The following NEU1 variants were observed in gnomAD, a reference collection of about 807,000 sequenced individuals.
NEU1 encodes sialidase-1.
NEU1 carries 32 observed loss-of-function variants against 38.3 expected under a neutral mutation model. The ratio of observed to expected loss-of-function variants is 0.84; its 90% CI spans 0.63 to 1.12. NEU1 has a LOEUF of 1.12. Among genes scored for constraint, NEU1 ranks in the 50% most tolerant of loss-of-function variants. The probability of loss-of-function intolerance (pLI) is 0.00; values close to 1 mark genes in which losing one functional copy is unlikely to be tolerated. For synonymous variants in NEU1, 192 were observed against 225.2 expected (o/e 0.85, Z 1.32); for missense variants, 431 against 549.2 (o/e 0.78, Z 2.15).
chr6:31,861,696 T>G, intron 2 of NEU1: 1 of 628,348 alleles, frequency 1.6e-6, no homozygotes, highest in Non-Finnish European at 2.8e-6. Context: ...CCAGTACAAT[T>G]TAAATCCTGA....
At chr6:31,861,125 T>G (rs1232428329) in intron 3 of NEU1, 63 bp downstream of exon 3, 1 of 1,606,568 alleles carries the variant, frequency 6.2e-7, no homozygotes, top group African/African-American at 1.3e-5. Context: ...AGGAGTCCAT[T>G]TGGGGGTATC....
chr6:31,861,555 G>A (rs1222577959), intron 2 of NEU1, 105 bp from the exon 3 acceptor site: 27 of 1,436,408 alleles, frequency 1.9e-5, no homozygotes, highest in Non-Finnish European at 9.7e-7. Flanking sequence ...CAGGCCTTCC[G>A]ATGGTCCCAG....
Position 31,862,650 on chromosome 6 carries a change from A to G in NEU1, c.127T>C (p.Ser43Pro), listed in dbSNP as rs1285254680. Residue 43 changes from serine (S) to proline (P), a missense_variant, in exon 1 of 6, where the codon TCC (serine) becomes CCC (proline). By Grantham distance (74) the Ser-to-Pro change is moderately conservative (BLOSUM62 -1). Coordinates refer to ENST00000375631, the MANE Select transcript of NEU1 (RefSeq NM_000434.4). The surrounding 1 kb of genome is among the most constrained non-coding windows in gnomAD (Gnocchi z 6.3). ...AIFLLLSLAA[S>P]WSKAENDFGL... ...AAGTCGTTCTCAGCCTTGGACCAGG[A>G]GGCTGCCAGAGACAGCAGCAGGAAG... The G allele has an allele frequency of 1.2e-6, 2 of 1,612,954 alleles. No individual in the cohort carries two copies. Among genetic ancestry groups the G allele is most frequent in the African/African-American group, 1.3e-5 (1 of 74,904 alleles).
Position 31,862,790 on chromosome 6 carries a change from T to G in NEU1, c.-14A>C, listed in dbSNP as rs964898455. 6.2e-7 allele frequency: 1 copy of G among 1,612,400 alleles called. No individual in the cohort carries two copies. The highest frequency in any genetic ancestry group is 1.3e-5 in the African/African-American group (1 of 74,916). ...CTCCCCAGTCATCTCTCCCCGCAGCTGCCGCGACCCTGGCAGCTAGACTCC... is the reference window on the plus strand; with the variant it reads ...CTCCCCAGTCATCTCTCCCCGCAGCGGCCGCGACCCTGGCAGCTAGACTCC... On this transcript the variant is annotated 5_prime_UTR_variant, in exon 1 of 6. Coordinates refer to ENST00000375631, the MANE Select transcript of NEU1 (RefSeq NM_000434.4). The surrounding 1 kb of genome is among the most constrained non-coding windows in gnomAD (Gnocchi z 6.3).
Position 31,861,428 on chromosome 6 carries a change from C to T in NEU1, c.375G>A (p.Ala125=). ...MDQGSTWSPT[A]FIVNDGDVPD... is the part of the protein sequence containing the mutation. ...GGACATCCCCATCATTGACAATGAA[C>T]GCTGTAGGAGACCATGTGCTGCCTG... The change falls in exon 3 of 6, where the codon GCG becomes GCA. Residue 125 remains alanine (A), a synonymous_variant. Coordinates refer to ENST00000375631, the MANE Select transcript of NEU1 (RefSeq NM_000434.4). 4 of 1,612,918 alleles carry T rather than the reference C, an allele frequency of 2.5e-6. No individual in the cohort carries two copies. Among genetic ancestry groups the T allele is most frequent in the Non-Finnish European group, 3.4e-6 (4 of 1,180,032 alleles).
Position 31,860,524 on chromosome 6 carries a change from G to T in NEU1, c.713C>A (p.Ala238Asp), listed in dbSNP as rs769449286. ...VFCLLSDDHG[A>D]SWRYGSGVSG... ...GACCCCACTTCCGTAGCGCCAGGAG[G>T]CACCATGATCATCGCTGAGGAGACA... Residue 238 changes from alanine (A) to aspartate (D), a missense_variant, in exon 4 of 6, where the codon GCC becomes GAC. Coordinates refer to ENST00000375631, the MANE Select transcript of NEU1 (RefSeq NM_000434.4). This position sits in a 1 kb window ranked among gnomAD's most constrained non-coding sequence, Gnocchi z 4.8. 13 of 1,613,938 alleles carry T rather than the reference G, an allele frequency of 8.1e-6. No individual in the cohort carries two copies. In the African/African-American group the frequency reaches 1.7e-4, roughly 22 times the overall value.
In NEU1 at chr6:31,859,004, A is replaced by G; in HGVS notation, c.*715T>C. ...GCAACTGCACTCCAGCCTGGGTGAC[A>G]GAGCGAGCCCTGTCTCAAAAAAAGC... On this transcript the variant is annotated 3_prime_UTR_variant, in exon 6 of 6. Coordinates refer to ENST00000375631, the MANE Select transcript of NEU1 (RefSeq NM_000434.4). 6.4e-6 allele frequency: 1 copy of G among 156,222 alleles called. No homozygotes were observed. The highest frequency in any genetic ancestry group is 1.4e-5 in the Non-Finnish European group (1 of 70,408). The allele number at this position is 156,222 out of a possible 1,614,324, so 9.7% of individuals were successfully genotyped here. A position where few individuals can be genotyped will look rare whatever the true frequency, so the allele number is the denominator to read the frequency against.
intron 2 of NEU1, chr6:31,861,768 G>T (rs912351461): frequency 4.8e-6 from 3 of 627,098 alleles, no homozygotes; most frequent in Non-Finnish European, 8.4e-6. Flanking sequence ...AATAGTGCCT[G>T]GTATAGGTAT....
At position 31,860,718 on chromosome 6, in the gene NEU1, G is replaced by T; in HGVS notation, c.616-97C>A. 1 of 1,366,790 alleles carries T rather than the reference G, an allele frequency of 7.3e-7. No individual in the cohort carries two copies. The highest frequency in any genetic ancestry group is 1.0e-6 in the Non-Finnish European group (1 of 962,004). 84.7% of individuals were successfully genotyped at this position (1,366,790 alleles called of 1,614,324 possible). On this transcript the variant is annotated intron_variant, in intron 3 of 5. Coordinates refer to ENST00000375631, the MANE Select transcript of NEU1 (RefSeq NM_000434.4). The surrounding 1 kb of genome is among the most constrained non-coding windows in gnomAD (Gnocchi z 4.8). Reference sequence around the variant, plus strand: ...ACTTCCCAAATGCAATCACATGTATGGTCCCCTTGAGTTCAGCCCTTGCTC... The same window carrying T: ...ACTTCCCAAATGCAATCACATGTATTGTCCCCTTGAGTTCAGCCCTTGCTC...
In NEU1 at chr6:31,861,453, G is replaced by GA. The variant is rs1260702596; in HGVS notation, c.353-4dup. 2.5e-6 allele frequency: 4 copies of GA among 1,612,772 alleles called. No individual in the cohort carries two copies. Among genetic ancestry groups the GA allele is most frequent in the Non-Finnish European group, 3.4e-6 (4 of 1,180,014 alleles). ...CGCTGTAGGAGACCATGTGCTGCCT[G>GA]AAAAAAATTGGAGGAAGAAACCCAG... On this transcript the variant is annotated splice_region_variant and splice_polypyrimidine_tract_variant and intron_variant, in intron 2 of 5. Transcript: ENST00000375631.
Position 31,859,473 on chromosome 6 carries a change from G to T in NEU1, c.*246C>A. The stretch of plus-strand genomic sequence containing the variant: ...CCGGGAGGGCAGAGAGGGTGGTGGG[G>T]CCACACTTAGCCATATGGAAAGACA... On this transcript the variant is annotated 3_prime_UTR_variant, in exon 6 of 6. Coordinates refer to ENST00000375631, the MANE Select transcript of NEU1 (RefSeq NM_000434.4). 1.6e-6 allele frequency: 1 copy of T among 620,008 alleles called. No individual in the cohort carries two copies. The highest frequency in any genetic ancestry group is 2.9e-6 in the Non-Finnish European group (1 of 344,504). 38.4% of individuals were successfully genotyped at this position (620,008 alleles called of 1,614,324 possible).
At position 31,858,931 on chromosome 6, in the gene NEU1, AG is replaced by A. The variant is rs1386734607; in HGVS notation, c.*787del. On this transcript the variant is annotated 3_prime_UTR_variant, in exon 6 of 6. Transcript: ENST00000375631. ...CAACTACTCCGGAGGCTGAGACGTG[AG>A]GATCACTTGAGCCCAGGAGGTTGAG... 1 of 153,226 alleles carries A rather than the reference AG, an allele frequency of 6.5e-6. No individual in the cohort carries two copies. Among genetic ancestry groups the A allele is most frequent in the African/African-American group, 2.4e-5 (1 of 41,446 alleles). 9.5% of individuals were successfully genotyped at this position (153,226 alleles called of 1,614,324 possible). A position where few individuals can be genotyped will look rare whatever the true frequency, so the allele number is the denominator to read the frequency against.
In NEU1 at chr6:31,860,829, C is replaced by T; in HGVS notation, c.616-208G>A. 1.5e-6 allele frequency: 1 copy of T among 657,324 alleles called. No homozygotes were observed. Among genetic ancestry groups the T allele is most frequent in the Non-Finnish European group, 2.7e-6 (1 of 376,544 alleles). The allele number at this position is 657,324 out of a possible 1,614,324, so 40.7% of individuals were successfully genotyped here. A position where few individuals can be genotyped will look rare whatever the true frequency, so the allele number is the denominator to read the frequency against. ...AGGGTGTACAGCTGGACATGTGCAC[C>T]AGGGGCCCAGCCACAGGGTGCATGA... On this transcript the variant is annotated intron_variant, in intron 3 of 5. Coordinates refer to ENST00000375631, the MANE Select transcript of NEU1 (RefSeq NM_000434.4). The surrounding 1 kb of genome is among the most constrained non-coding windows in gnomAD (Gnocchi z 4.8).
chr6:31,862,488 G>A lies in NEU1; in HGVS notation c.159+130C>T. On this transcript the variant is annotated intron_variant, in intron 1 of 5. Coordinates refer to ENST00000375631, the MANE Select transcript of NEU1 (RefSeq NM_000434.4). This position sits in a 1 kb window ranked among gnomAD's most constrained non-coding sequence, Gnocchi z 6.3. ...GGGAGAGGGGCTGGGAGCGGTAGGA[G>A]GAAACGGGGTCTGGGAGAAAGAAAA... is the stretch of plus-strand genomic sequence containing the variant. 1 of 1,329,570 alleles carries A rather than the reference G, an allele frequency of 7.5e-7. No homozygotes were observed. Among genetic ancestry groups the A allele is most frequent in the Non-Finnish European group, 1.1e-6 (1 of 941,284 alleles). 82.4% of individuals were successfully genotyped at this position (1,329,570 alleles called of 1,614,324 possible).
chr6:31,861,387 A>G lies in NEU1; in HGVS notation c.416T>C (p.Leu139Pro). ...NDGDVPDGLN[L>P]GAVVSDVETG... is the part of the protein sequence containing the mutation. ...CTCAACATCGCTCACTACTGCCCCA[A>G]GGTTCAGCCCATCGGGGACATCCCC... The change falls in exon 3 of 6, where the codon CTT becomes CCT. Residue 139 changes from leucine to proline, a missense_variant. By Grantham distance (98) the Leu-to-Pro change is moderately conservative. Transcript: ENST00000375631. 6.2e-7 allele frequency: 1 copy of G among 1,613,002 alleles called. No individual in the cohort carries two copies. The highest frequency in any genetic ancestry group is 8.5e-7 in the Non-Finnish European group (1 of 1,180,036).
Position 31,862,119 on chromosome 6 carries a change from G to A in NEU1, c.232C>T (p.Arg78Cys), listed in dbSNP as rs11538809. The A allele has an allele frequency of 6.2e-7, 1 of 1,613,078 alleles. No individual in the cohort carries two copies. Among genetic ancestry groups the A allele is most frequent in the Non-Finnish European group, 8.5e-7 (1 of 1,180,036 alleles). The change falls in exon 2 of 6, where the codon CGC (arginine) becomes TGC (cysteine). Residue 78 changes from arginine (R) to cysteine (C), a missense_variant. Transcript: ENST00000375631. This position sits in a 1 kb window ranked among gnomAD's most constrained non-coding sequence, Gnocchi z 6.3. The part of the protein sequence containing the change: ...GRQIGSVDTF[R>C]IPLITATPRG... ...GGAGTGGCTGTGATGAGCGGGATGC[G>A]GAAGGTGTCCACTGAGCCGATCTGT...
At position 31,859,308 on chromosome 6, in the gene NEU1, A is replaced by G. The variant is rs1342138829; in HGVS notation, c.*411T>C. Reference sequence around the variant, plus strand: ...TTACTCTGAAACCAAATATCCTGCCATCTGGGGACTTTCACCAGCCCTGTC... The same window carrying G: ...TTACTCTGAAACCAAATATCCTGCCGTCTGGGGACTTTCACCAGCCCTGTC... On this transcript the variant is annotated 3_prime_UTR_variant, in exon 6 of 6. Coordinates refer to ENST00000375631, the MANE Select transcript of NEU1 (RefSeq NM_000434.4). 1 of 358,586 alleles carries G rather than the reference A, an allele frequency of 2.8e-6. No homozygotes were observed. Among genetic ancestry groups the G allele is most frequent in the Non-Finnish European group, 5.3e-6 (1 of 187,704 alleles). 22.2% of individuals were successfully genotyped at this position (358,586 alleles called of 1,614,324 possible).
At position 31,859,655 on chromosome 6, in the gene NEU1, T is replaced by TACAG. The variant is rs941536528; in HGVS notation, c.*60_*63dup. 2.3e-5 allele frequency: 35 copies of TACAG among 1,533,024 alleles called. No homozygotes were observed. The highest frequency in any genetic ancestry group is 2.9e-5 in the Non-Finnish European group (32 of 1,113,066). 95.0% of individuals were successfully genotyped at this position (1,533,024 alleles called of 1,614,324 possible). On this transcript the variant is annotated 3_prime_UTR_variant, in exon 6 of 6. Coordinates refer to ENST00000375631, the MANE Select transcript of NEU1 (RefSeq NM_000434.4). ...TTTCAGGCGTCTCCAGCAGACCCTCTACAGACCCGTGTTCCTGAAGGCAGA... is the reference window on the plus strand; with the variant it reads ...TTTCAGGCGTCTCCAGCAGACCCTCTACAGACAGACCCGTGTTCCTGAAGGCAGA...
At position 31,860,085 on chromosome 6, in the gene NEU1, G is replaced by A. The variant is rs755539997; in HGVS notation, c.978C>T (p.Ser326=). 2 of 1,613,028 alleles carry A rather than the reference G, an allele frequency of 1.2e-6. No individual in the cohort carries two copies. Among genetic ancestry groups the A allele is most frequent in the South Asian group, 1.1e-5 (1 of 91,084 alleles). ...GGTTGGAGAAGAAGACAATGCCGGA[G>A]CTGGTGACTACAGCTCCTGCAGCTA... ...PVVAAGAVVT[S]SGIVFFSNPA... Residue 326 remains serine, a synonymous_variant, in exon 5 of 6, where the codon AGC becomes AGT. Coordinates refer to ENST00000375631, the MANE Select transcript of NEU1 (RefSeq NM_000434.4). This position sits in a 1 kb window ranked among gnomAD's most constrained non-coding sequence, Gnocchi z 4.8.
Sources: allele counts gnomAD v4.1 joint callset, GRCh38; gene constraint gnomAD v4.1.1; non-coding constraint Gnocchi (gnomAD v3.1); transcripts MANE v1.5; gene names NCBI Gene and HGNC (gene_info 2026-07-23, HGNC 2026-07-21).